Variants in KTN1 observed in about 807,000 individuals in gnomAD.
KTN1 encodes kinectin 1.
KTN1 carries 130 observed loss-of-function variants against 222.5 expected under a neutral mutation model. That is an observed-to-expected ratio of 0.58 (90% confidence interval 0.51 to 0.68). The LOEUF is 0.68. Ranked by LOEUF, KTN1 falls within the 30% of genes least tolerant of loss-of-function variation. The pLI is 0.00. For missense variants in KTN1, 1,508 were observed against 1,500.4 expected (o/e 1.01, Z -0.08); for synonymous variants, 512 against 496.3 (o/e 1.03, Z -0.42).
At chr14:55,656,232 G>T in intron 29 of KTN1, 100 bp downstream of exon 29, 1 of 746,746 alleles carries the variant, frequency 1.3e-6, no homozygotes, top group Non-Finnish European at 2.2e-6. Flanking sequence ...TACAGAATGA[G>T]TCTCCCTCCC....
intron 18 of KTN1, chr14:55,644,264 G>C: frequency 1.8e-6 from 1 of 540,790 alleles, no homozygotes; most frequent in Non-Finnish European, 3.4e-6. Context: ...CTATCCCACA[G>C]TCAGAATTCC....
At chr14:55,669,797 A>G (rs939573108) in intron 34 of KTN1, among the ~76,000 whole-genome samples, 2 of 152,164 alleles carry the variant, frequency 1.3e-5, no homozygotes, top group South Asian at 2.1e-4. Flanking sequence ...GTATTGTACT[A>G]TGGAGTGACT....
intron 1 of KTN1, among the ~76,000 whole-genome samples, chr14:55,601,060 A>G (rs1350427624): frequency 1.3e-5 from 2 of 152,208 alleles, no homozygotes; most frequent in Non-Finnish European, 2.9e-5. Flanking sequence ...AAAGCTGTTC[A>G]AATGGATTGA....
At position 55,679,508 on chromosome 14, in the gene KTN1, T is replaced by C. The variant is rs187345317; in HGVS notation, c.3949-57T>C. On this transcript the variant is annotated intron_variant, in intron 42 of 43. Coordinates refer to ENST00000395314, the MANE Select transcript of KTN1 (RefSeq NM_001079521.2). ...CAATATAACATTTTCTGTTGTTTGG[T>C]TTTACATTTCTTTTCCTTGTGTATG... The C allele has an allele frequency of 1.3e-4, 184 of 1,447,338 alleles. No homozygotes were observed. In the African/African-American group the frequency reaches 2.4e-3, roughly 19 times the overall value. 89.7% of individuals were successfully genotyped at this position (1,447,338 alleles called of 1,614,324 possible). A position where few individuals can be genotyped will look rare whatever the true frequency, so the allele number is the denominator to read the frequency against.
At chr14:55,652,593 G>T (rs1390515546) in intron 25 of KTN1, among the ~76,000 whole-genome samples, 1 of 151,960 alleles carries the variant, frequency 6.6e-6, no homozygotes, top group African/African-American at 2.4e-5. Context: ...TAGAGACGGG[G>T]TTTCACCGTG....
intron 8 of KTN1, among the ~76,000 whole-genome samples, chr14:55,634,260 C>T (rs763253347): frequency 6.6e-6 from 1 of 152,128 alleles, no homozygotes; most frequent in Non-Finnish European, 1.5e-5. Flanking sequence ...AATACGTTTT[C>T]AGAAGACCAG....
At chr14:55,670,707 T>C in intron 34 of KTN1, 22 bp from the exon 35 acceptor site, 2 of 1,538,994 alleles carry the variant, frequency 1.3e-6, no homozygotes, top group Non-Finnish European at 1.8e-6. Context: ...AAATTAATGA[T>C]TTTAACTTTT....
intron 18 of KTN1, among the ~76,000 whole-genome samples, chr14:55,643,255 A>T (rs1049178037): frequency 6.6e-6 from 1 of 152,180 alleles, no homozygotes; most frequent in Admixed American, 6.5e-5. Context: ...AGCTTACAAA[A>T]AAGATATGAT....
At chr14:55,626,699 G>A (rs1230178531) in intron 5 of KTN1, among the ~76,000 whole-genome samples, 3 of 152,064 alleles carry the variant, frequency 2.0e-5, no homozygotes, top group Non-Finnish European at 4.4e-5. Flanking sequence ...AGGGATGGCT[G>A]GTGTTCTCCT....
intron 5 of KTN1, among the ~76,000 whole-genome samples, chr14:55,622,528 A>G (rs1363552603): frequency 6.6e-6 from 1 of 152,224 alleles, no homozygotes; most frequent in Non-Finnish European, 1.5e-5. Context: ...ACCTATGTAA[A>G]ATAAAGTGAT....
chr14:55,603,356 A>G (rs1379261571), intron 1 of KTN1, among the ~76,000 whole-genome samples: 1 of 152,202 alleles, frequency 6.6e-6, no homozygotes, highest in African/African-American at 2.4e-5. Context: ...TCAGGTTTTG[A>G]TCACCACTAC....
chr14:55,616,428 A>G, intron 2 of KTN1, 89 bp from the exon 3 acceptor site: 3 of 1,246,068 alleles, frequency 2.4e-6, no homozygotes, highest in Non-Finnish European at 3.3e-6. Context: ...TTTAGTGGTA[A>G]AACATTCTGG....
At chr14:55,580,932 C>G (rs1374045659) in intron 1 of KTN1, among the ~76,000 whole-genome samples, 2 of 152,222 alleles carry the variant, frequency 1.3e-5, no homozygotes, top group African/African-American at 2.4e-5. Flanking sequence ...CTGCCCTTTG[C>G]GAGTCCCCAG....
At chr14:55,616,797 A>G (rs2038463891) in intron 3 of KTN1, 143 bp downstream of exon 3, 2 of 634,890 alleles carry the variant, frequency 3.2e-6, no homozygotes, top group Non-Finnish European at 5.2e-6. Flanking sequence ...GTCTAAAATT[A>G]TCTTTAGCCT....
intron 1 of KTN1, among the ~76,000 whole-genome samples, chr14:55,609,776 C>T (rs2037271450): frequency 6.6e-6 from 1 of 152,086 alleles, no homozygotes; most frequent in Non-Finnish European, 1.5e-5. Flanking sequence ...GTCTCTTCTT[C>T]ACCAAAGCAA....
At chr14:55,583,820 TC>T (rs1479662231) in intron 1 of KTN1, among the ~76,000 whole-genome samples, 1 of 152,210 alleles carries the variant, frequency 6.6e-6, no homozygotes, top group African/African-American at 2.4e-5. Flanking sequence ...TCCGTATTTT[TC>T]CTCAAACATG....
intron 1 of KTN1, among the ~76,000 whole-genome samples, chr14:55,611,645 C>T (rs1039726484): frequency 3.3e-5 from 5 of 151,960 alleles, no homozygotes; most frequent in Admixed American, 6.6e-5. Flanking sequence ...CTTATTTTCA[C>T]GTGTAGTAGT....
At chr14:55,587,587 T>TA (rs2033268205) in intron 1 of KTN1, among the ~76,000 whole-genome samples, 1 of 152,224 alleles carries the variant, frequency 6.6e-6, no homozygotes, top group African/African-American at 2.4e-5. Context: ...TGAATTCACT[T>TA]ACGTGCCACC....
chr14:55,676,193 T>C (rs2141369314), intron 41 of KTN1, among the ~76,000 whole-genome samples: 1 of 152,322 alleles, frequency 6.6e-6, no homozygotes, highest in East Asian at 1.9e-4. Flanking sequence ...TATTAAAATT[T>C]GGCTGCATCC....
Sources: gnomAD v4.1 joint callset for allele counts (sites outside exome capture counted in the v4.1 genomes callset) on GRCh38, gnomAD v4.1.1 for gene constraint, MANE v1.5 for transcripts, NCBI Gene and HGNC (gene_info 2026-07-23, HGNC 2026-07-21) for gene names.